KIAA0825: variants seen among roughly 807,000 people sequenced by gnomAD.
KIAA0825 encodes the protein KIAA0825, also known as uncharacterized protein KIAA0825.
In KIAA0825, 119 loss-of-function variants were observed where a neutral mutation model predicts 147.6. That is an observed-to-expected ratio of 0.81 (90% CI 0.69 to 0.94). The LOEUF is 0.94. KIAA0825 is among the 40% of genes least tolerant of loss of function. The pLI is 0.00. For missense variants in KIAA0825, 1,381 were observed against 1,472.7 expected, an observed-to-expected ratio of 0.94 and a Z score of 1.02; for synonymous variants, 470 against 518.1, an observed-to-expected ratio of 0.91 and a Z score of 1.26.
intron 1 of KIAA0825, chr5:94,593,297 C>T (rs1281813627): frequency 1.3e-6 from 1 of 780,722 alleles, no homozygotes; most frequent in African/African-American, 1.7e-5. Context: ...GGAAAAATAG[C>T]TGATATTGTC....
At chr5:94,249,921 T>A (rs1455231240) in intron 20 of KIAA0825, among the ~76,000 whole-genome samples, 1 of 152,080 alleles carries the variant, frequency 6.6e-6, no homozygotes, top group Non-Finnish European at 1.5e-5. Flanking sequence ...TTCAGATGGT[T>A]CCTAAAACAG....
intron 13 of KIAA0825, among the ~76,000 whole-genome samples, chr5:94,443,507 T>C (rs1263877936): frequency 6.6e-6 from 1 of 152,100 alleles, no homozygotes; most frequent in East Asian, 1.9e-4. Context: ...GGCTGGGTTG[T>C]ACTCAGCTTA....
At chr5:94,532,842 T>C (rs1771106434) in intron 3 of KIAA0825, among the ~76,000 whole-genome samples, 1 of 149,076 alleles carries the variant, frequency 6.7e-6, no homozygotes, top group African/African-American at 2.5e-5. Context: ...AAAAAAAAAG[T>C]AGTCCAGCTG....
At chr5:94,388,432 A>G (rs1749468941) in intron 18 of KIAA0825, among the ~76,000 whole-genome samples, 1 of 152,196 alleles carries the variant, frequency 6.6e-6, no homozygotes, top group South Asian at 2.1e-4. Context: ...CTTACTAAAC[A>G]TTGTTAATGA....
intron 20 of KIAA0825, among the ~76,000 whole-genome samples, chr5:94,308,912 C>T (rs1315792151): frequency 6.6e-6 from 1 of 151,820 alleles, no homozygotes; most frequent in Non-Finnish European, 1.5e-5. Context: ...CATACAGCAA[C>T]CACTTACCAA....
chr5:94,331,152 A>G (rs867152151), intron 20 of KIAA0825, among the ~76,000 whole-genome samples: 18 of 151,412 alleles, frequency 1.2e-4, no homozygotes, highest in African/African-American at 3.2e-4. Context: ...AAAAGAAAGA[A>G]AGAGAGAGAG....
chr5:94,369,386 C>G (rs747485850), intron 20 of KIAA0825, among the ~76,000 whole-genome samples: 3 of 152,142 alleles, frequency 2.0e-5, no homozygotes, highest in Non-Finnish European at 4.4e-5. Context: ...TCACCTTCCC[C>G]TATTGTATTA....
intron 20 of KIAA0825, among the ~76,000 whole-genome samples, chr5:94,289,628 G>A (rs188078259): frequency 6.6e-6 from 1 of 151,888 alleles, no homozygotes; most frequent in Non-Finnish European, 1.5e-5. Context: ...AAGAAGAATG[G>A]CTGTTTTTTG....
At chr5:94,342,029 T>TA (rs1421916124) in intron 20 of KIAA0825, among the ~76,000 whole-genome samples, 6 of 151,928 alleles carry the variant, frequency 3.9e-5, no homozygotes, top group Admixed American at 3.3e-4. Context: ...CCGTCTCTAC[T>TA]AAAAATACAA....
At chr5:94,461,285 C>T (rs1288067978) in intron 12 of KIAA0825, among the ~76,000 whole-genome samples, 11 of 151,904 alleles carry the variant, frequency 7.2e-5, no homozygotes, top group Admixed American at 7.2e-4. Context: ...AATTTGTCAA[C>T]TTTGTTCCCG....
chr5:94,293,681 T>G (rs1305928576), intron 20 of KIAA0825, among the ~76,000 whole-genome samples: 1 of 152,182 alleles, frequency 6.6e-6, no homozygotes, highest in African/African-American at 2.4e-5. Flanking sequence ...ATTTTCTGTC[T>G]CATTGATCTG....
intron 13 of KIAA0825, among the ~76,000 whole-genome samples, chr5:94,450,458 A>C (rs79562179): frequency 0.091 from 13,739 of 150,574 alleles, 674 homozygotes; most frequent in Middle Eastern, 0.14. Context: ...TGGGTAATTT[A>C]CAAAGAAGAA....
At chr5:94,171,095 A>G (rs957151432) in intron 20 of KIAA0825, among the ~76,000 whole-genome samples, 7 of 152,130 alleles carry the variant, frequency 4.6e-5, no homozygotes, top group Non-Finnish European at 7.4e-5. Flanking sequence ...CTGTGTCCCC[A>G]CCCAAATCTC....
intron 3 of KIAA0825, among the ~76,000 whole-genome samples, chr5:94,524,387 A>C (rs1768861308): frequency 6.6e-6 from 1 of 151,712 alleles, no homozygotes; most frequent in Non-Finnish European, 1.5e-5. Context: ...CAATTCGATA[A>C]TAGCCCTCTT....
intron 1 of KIAA0825, among the ~76,000 whole-genome samples, chr5:94,617,403 T>A (rs1790817143): frequency 6.6e-6 from 1 of 152,200 alleles, no homozygotes; most frequent in Non-Finnish European, 1.5e-5. Flanking sequence ...GTTTGTTGCA[T>A]TACTCTCAAA....
chr5:94,466,728 C>T (rs1207995184), intron 10 of KIAA0825, among the ~76,000 whole-genome samples: 4 of 107,590 alleles, frequency 3.7e-5, no homozygotes, highest in Non-Finnish European at 6.9e-5. Flanking sequence ...CAGAGCGAGA[C>T]TGTGTCTCAA....
At chr5:94,477,921 TCA>T (rs1303328338) in intron 6 of KIAA0825, among the ~76,000 whole-genome samples, 4 of 152,198 alleles carry the variant, frequency 2.6e-5, no homozygotes, top group Non-Finnish European at 5.9e-5. Context: ...ATAATTTGAT[TCA>T]GTATGAATAA....
intron 10 of KIAA0825, among the ~76,000 whole-genome samples, chr5:94,465,482 T>G (rs1760374886): frequency 6.6e-6 from 1 of 152,206 alleles, no homozygotes; most frequent in South Asian, 2.1e-4. Context: ...TAAGGTAATT[T>G]TATAAATGTT....
rs568249042 is a variant in KIAA0825, at chr5:94,191,175, T to G, written c.3711-37051A>C. Among the ~76,000 whole-genome samples the G allele has an allele frequency of 4.6e-5, 7 of 152,318 alleles. No homozygotes were observed. In the South Asian group the frequency reaches 1.4e-3, roughly 32 times the overall value. On this transcript the variant is annotated intron_variant, in intron 20 of 20. Transcript: ENST00000682413. ...CATCAGGTAACTTGTAGGTACCTCATTATGTAGAAAAATTGTATTACCAGC... is the reference window on the plus strand; with the variant it reads ...CATCAGGTAACTTGTAGGTACCTCAGTATGTAGAAAAATTGTATTACCAGC...
Sources: gnomAD v4.1 joint callset for allele counts (sites outside exome capture counted in the v4.1 genomes callset) on GRCh38, gnomAD v4.1.1 for gene constraint, MANE v1.5 for transcripts, NCBI Gene and HGNC (gene_info 2026-07-23, HGNC 2026-07-21) for gene names.